SORCS1: variants seen among roughly 807,000 people sequenced by gnomAD.
The protein encoded by SORCS1 is VPS10 domain-containing receptor SorCS1.
Under a neutral mutation model 146.1 loss-of-function variants are expected in SORCS1, and 60 were observed. The observed-to-expected ratio is 0.41, with a 90% CI of 0.33 to 0.51. SORCS1 has a LOEUF of 0.51. Ranked by LOEUF, SORCS1 falls within the 20% of genes least tolerant of loss-of-function variation. SORCS1 has a pLI of 0.21. For missense variants in SORCS1, 1,352 were observed against 1,487.6 expected, an observed-to-expected ratio of 0.91 and a Z score of 1.50; for synonymous variants, 637 against 584.0, an observed-to-expected ratio of 1.09 and a Z score of -1.31.
chr10:106,613,723 C>A (rs988698193), intron 21 of SORCS1, among the ~76,000 whole-genome samples: 1 of 152,164 alleles, frequency 6.6e-6, no homozygotes, highest in Non-Finnish European at 1.5e-5. Flanking sequence ...CTCCACATTG[C>A]ATTTAGTATA....
At chr10:107,072,336 T>A (rs1042667346) in intron 1 of SORCS1, among the ~76,000 whole-genome samples, 1 of 152,172 alleles carries the variant, frequency 6.6e-6, no homozygotes, top group Non-Finnish European at 1.5e-5. Flanking sequence ...ACGCAAATTA[T>A]CTCAATGAAA....
chr10:107,033,599 T>C (rs1293773596), intron 1 of SORCS1, among the ~76,000 whole-genome samples: 1 of 152,242 alleles, frequency 6.6e-6, no homozygotes, highest in Non-Finnish European at 1.5e-5. Context: ...GCTAAGCTCT[T>C]ACTCCAATTA....
At chr10:107,008,793 C>T (rs937383039) in intron 1 of SORCS1, among the ~76,000 whole-genome samples, 6 of 152,092 alleles carry the variant, frequency 3.9e-5, no homozygotes, top group African/African-American at 1.4e-4. Context: ...GTCAAGAGAT[C>T]GAGATCATCC....
At chr10:107,024,327 C>T (rs1958297488) in intron 1 of SORCS1, among the ~76,000 whole-genome samples, 1 of 151,998 alleles carries the variant, frequency 6.6e-6, no homozygotes, top group African/African-American at 2.4e-5. Context: ...GTGCAGATCC[C>T]ATGGCAAGAG....
chr10:106,624,731 T>C (rs1415601285), intron 19 of SORCS1, among the ~76,000 whole-genome samples: 1 of 152,256 alleles, frequency 6.6e-6, no homozygotes, highest in Non-Finnish European at 1.5e-5. Flanking sequence ...AATACATATG[T>C]GTTTGTATAA....
At chr10:106,894,261 G>T (rs898233497) in intron 2 of SORCS1, among the ~76,000 whole-genome samples, 5 of 138,302 alleles carry the variant, frequency 3.6e-5, no homozygotes, top group Non-Finnish European at 6.2e-5. Context: ...GTGCGCGCGC[G>T]CACGTGTGCG....
chr10:106,720,947 C>T (rs1719479605), intron 6 of SORCS1, among the ~76,000 whole-genome samples: 1 of 151,894 alleles, frequency 6.6e-6, no homozygotes, highest in Admixed American at 6.6e-5. Flanking sequence ...TATCTTATTT[C>T]ATGCTTTTCT....
intron 2 of SORCS1, among the ~76,000 whole-genome samples, chr10:106,934,145 T>G (rs1296288015): frequency 6.7e-6 from 1 of 150,240 alleles, no homozygotes; most frequent in Non-Finnish European, 1.5e-5. Flanking sequence ...AGTGAAAATA[T>G]AATAGACATT....
chr10:106,627,328 T>C (rs1424602645), intron 19 of SORCS1, among the ~76,000 whole-genome samples: 2 of 152,162 alleles, frequency 1.3e-5, no homozygotes, highest in Non-Finnish European at 2.9e-5. Context: ...CTACGGTAGA[T>C]GTATAACAAA....
chr10:106,899,170 C>T (rs1951601839), intron 2 of SORCS1, among the ~76,000 whole-genome samples: 1 of 152,192 alleles, frequency 6.6e-6, no homozygotes, highest in African/African-American at 2.4e-5. Flanking sequence ...TAAGCCAACC[C>T]TATTCTAACA....
At chr10:106,889,252 C>T (rs1951123699) in intron 2 of SORCS1, among the ~76,000 whole-genome samples, 1 of 152,134 alleles carries the variant, frequency 6.6e-6, no homozygotes, top group Admixed American at 6.6e-5. Context: ...AATGGACATA[C>T]AACCTAGCCA....
chr10:106,627,693 G>A (rs531886907), intron 19 of SORCS1, among the ~76,000 whole-genome samples: 17 of 152,282 alleles, frequency 1.1e-4, no homozygotes, highest in Non-Finnish European at 2.1e-4. Flanking sequence ...ACTGAACTAT[G>A]TAGTTGTGTA....
intron 1 of SORCS1, among the ~76,000 whole-genome samples, chr10:106,966,272 C>T (rs1955491388): frequency 6.7e-6 from 1 of 149,872 alleles, no homozygotes; most frequent in African/African-American, 2.5e-5. Flanking sequence ...TATGCACGCA[C>T]ACACCACACA....
At chr10:107,016,720 C>T (rs1319580648) in intron 1 of SORCS1, among the ~76,000 whole-genome samples, 1 of 152,020 alleles carries the variant, frequency 6.6e-6, no homozygotes, top group Non-Finnish European at 1.5e-5. Flanking sequence ...CACAAGAAAC[C>T]ACTATCAGAG....
At chr10:107,030,267 C>T (rs910175377) in intron 1 of SORCS1, among the ~76,000 whole-genome samples, 3 of 152,094 alleles carry the variant, frequency 2.0e-5, no homozygotes, top group Admixed American at 6.6e-5. Flanking sequence ...TTGAGAATGC[C>T]TAAAGTTCTA....
Position 106,668,819 on chromosome 10 carries a change from C to T in SORCS1, c.2190-1017G>A, listed in dbSNP as rs184874171. Among the ~76,000 whole-genome samples, 276 of 152,234 alleles carry T rather than the reference C, an allele frequency of 1.8e-3. 1 individual carries two copies. Among genetic ancestry groups the T allele is most frequent in the African/African-American group, 6.5e-3 (269 of 41,534 alleles). ...GTGTTTGCTTCAGGAAGTTACTTTA[C>T]GAATGCTGGAGAGGGACAGGCAAGG... is the stretch of plus-strand genomic sequence containing the variant. On this transcript the variant is annotated intron_variant, in intron 16 of 25. Coordinates refer to ENST00000263054, the MANE Select transcript of SORCS1 (RefSeq NM_052918.5).
intron 2 of SORCS1, among the ~76,000 whole-genome samples, chr10:106,919,839 A>T (rs180998910): frequency 1.3e-5 from 2 of 152,330 alleles, no homozygotes; most frequent in East Asian, 3.9e-4. Flanking sequence ...TTGTTTCAAT[A>T]TGAATATTTA....
chr10:107,022,215 A>G (rs964622683), intron 1 of SORCS1, among the ~76,000 whole-genome samples: 1 of 152,020 alleles, frequency 6.6e-6, no homozygotes, highest in Non-Finnish European at 1.5e-5. Flanking sequence ...TCTCTCTTCT[A>G]TTTAGGATGT....
intron 3 of SORCS1, 135 bp from the exon 4 acceptor site, chr10:106,776,827 G>T: frequency 1.2e-6 from 1 of 805,024 alleles, no homozygotes; most frequent in Non-Finnish European, 1.9e-6. Context: ...CAGGGACCTT[G>T]ACTCTGTCAG....
Sources: gnomAD v4.1 joint callset for allele counts (sites outside exome capture counted in the v4.1 genomes callset) on GRCh38, gnomAD v4.1.1 for gene constraint, MANE v1.5 for transcripts, NCBI Gene and HGNC (gene_info 2026-07-23, HGNC 2026-07-21) for gene names.